Variants in NRDC observed in about 807,000 individuals in gnomAD.
NRDC encodes nardilysin.
In NRDC, 54 loss-of-function variants were observed where a neutral mutation model predicts 147.1. The observed-to-expected ratio is 0.37, with a 90% CI of 0.29 to 0.46. The LOEUF (loss-of-function observed/expected upper bound fraction) is 0.46, where lower values mean the gene tolerates loss of function less well. NRDC is among the 20% of genes least tolerant of loss of function. The probability of loss-of-function intolerance (pLI) is 1.00; values close to 1 mark genes in which losing one functional copy is unlikely to be tolerated. For missense variants in NRDC, 1,082 were observed against 1,370.6 expected (o/e 0.79, Z 3.33); for synonymous variants, 440 against 482.1 (o/e 0.91, Z 1.14).
intron 1 of NRDC, among the ~76,000 whole-genome samples, chr1:51,870,266 A>G (rs747796721): frequency 1.3e-5 from 2 of 152,196 alleles, no homozygotes; most frequent in Non-Finnish European, 2.9e-5. Context: ...GGAAAGCAAA[A>G]AGAAAAGTGA....
At position 51,806,839 on chromosome 1, in the gene NRDC, C is replaced by G; in HGVS notation, c.2065G>C (p.Gly689Arg). 1.2e-6 allele frequency: 2 copies of G among 1,614,080 alleles called. No individual in the cohort carries two copies. Among genetic ancestry groups the G allele is most frequent in the South Asian group, 2.2e-5 (2 of 91,064 alleles). Residue 689 changes from glycine (G) to arginine (R), a missense_variant, in exon 18 of 31, where the codon GGT (glycine) becomes CGT (arginine). Gly to Arg is a moderately radical substitution (Grantham distance 125). This residue lies in a region of NRDC where 635 missense variants were observed against 923.8 expected (regional missense o/e 0.69). Coordinates refer to ENST00000352171, the MANE Select transcript of NRDC (RefSeq NM_001101662.2). ...YPVKIVNTPQ[G>R]CLWYKKDNKF... Reference sequence around the variant, plus strand: ...TTGTCTTTCTTATACCACAGGCAACCTTGTGGAGTATTCACAATTTTAACT... The same window carrying G: ...TTGTCTTTCTTATACCACAGGCAACGTTGTGGAGTATTCACAATTTTAACT...
chr1:51,791,790 C>A, intron 26 of NRDC, 129 bp from the exon 27 acceptor site: 2 of 781,126 alleles, frequency 2.6e-6, no homozygotes, highest in Non-Finnish European at 2.1e-6. Flanking sequence ...AAACAGGACC[C>A]AAAAATGTTA....
chr1:51,871,939 T>C (rs569485530), intron 1 of NRDC, among the ~76,000 whole-genome samples: 66 of 152,302 alleles, frequency 4.3e-4, no homozygotes, highest in Middle Eastern at 3.4e-3. Context: ...GGGCGCGATC[T>C]TGACTCACTG....
chr1:51,864,999 A>T (rs1682735148), intron 1 of NRDC, among the ~76,000 whole-genome samples: 1 of 151,838 alleles, frequency 6.6e-6, no homozygotes, highest in Non-Finnish European at 1.5e-5. Context: ...CTATAATAAA[A>T]TTTTTAGAAT....
intron 1 of NRDC, among the ~76,000 whole-genome samples, chr1:51,855,487 T>C (rs1459193578): frequency 6.7e-5 from 10 of 149,620 alleles, no homozygotes; most frequent in Admixed American, 5.3e-4. Context: ...CAAGCCCTTA[T>C]AAAGAAAAAA....
Position 51,833,053 on chromosome 1 carries a change from A to T in NRDC, c.866+964T>A, listed in dbSNP as rs1315212997. 2.0e-5 allele frequency among the ~76,000 whole-genome samples: 3 copies of T among 152,272 alleles called. No individual in the cohort carries two copies. In the East Asian group the frequency reaches 5.8e-4, roughly 29 times the overall value. On this transcript the variant is annotated intron_variant, in intron 4 of 30. Transcript: ENST00000352171. ...ACAATATGATCGGTATACTTTAAAA[A>T]ATATAGATGGGTCTATACCAAAACA...
In NRDC at chr1:51,840,299, A is replaced by G; in HGVS notation, c.557T>C (p.Leu186Pro). The G allele has an allele frequency of 6.3e-7, 1 of 1,589,996 alleles. No homozygotes were observed. Among genetic ancestry groups the G allele is most frequent in the East Asian group, 2.2e-5 (1 of 44,700 alleles). ...DEFDDEHDDD[L>P]DTEDNELEEL... ...TTCCAATTCATTATCCTCAGTATCA[A>G]GATCATCATCATGTTCATCATCAAA... is the stretch of plus-strand genomic sequence containing the variant. The change falls in exon 2 of 31, where the codon CTT becomes CCT. Residue 186 changes from leucine (L) to proline (P), a missense_variant. By Grantham distance (98) the Leu-to-Pro change is moderately conservative. Transcript: ENST00000352171.
At chr1:51,865,136 T>C (rs1041690644) in intron 1 of NRDC, among the ~76,000 whole-genome samples, 2 of 151,742 alleles carry the variant, frequency 1.3e-5, no homozygotes, top group African/African-American at 4.8e-5. Flanking sequence ...GACAAAAAAT[T>C]AGCATTCAAA....
chr1:51,813,800 C>T (rs1313363376), intron 14 of NRDC, among the ~76,000 whole-genome samples: 1 of 152,010 alleles, frequency 6.6e-6, no homozygotes, highest in Non-Finnish European at 1.5e-5. Context: ...AAATGATTAC[C>T]ACACAACATC....
intron 1 of NRDC, among the ~76,000 whole-genome samples, chr1:51,845,318 C>T (rs919556889): frequency 1.3e-5 from 2 of 152,150 alleles, no homozygotes; most frequent in Admixed American, 6.5e-5. Flanking sequence ...TTGGCCCGGC[C>T]GCAGTGGCTC....
Position 51,792,152 on chromosome 1 carries a change from C to A in NRDC, c.2824-54G>T, listed in dbSNP as rs4926899. 2.2e-4 allele frequency: 350 copies of A among 1,592,746 alleles called. 6 individuals carry two copies. Among genetic ancestry groups the A allele is most frequent in the Admixed American group, 2.0e-3 (120 of 59,922 alleles). On this transcript the variant is annotated intron_variant, in intron 25 of 30. Coordinates refer to ENST00000352171, the MANE Select transcript of NRDC (RefSeq NM_001101662.2). ...CAACTCCTCCCAGCAGAGAAACCTC[C>A]ATTTCTCTCCCCAGAGTGTTTCACA...
At chr1:51,814,901 A>G in intron 11 of NRDC, 88 bp from the exon 12 acceptor site, 1 of 1,333,776 alleles carries the variant, frequency 7.5e-7, no homozygotes, top group Non-Finnish European at 1.0e-6. Context: ...GAGGCTTTCT[A>G]TGTAAAATGT....
intron 27 of NRDC, 119 bp from the exon 28 acceptor site, chr1:51,791,109 A>G (rs900471743): frequency 2.3e-5 from 16 of 704,170 alleles, no homozygotes; most frequent in Non-Finnish European, 3.8e-5. Flanking sequence ...TATCCAGGAA[A>G]AAAAGCTAAA....
intron 1 of NRDC, among the ~76,000 whole-genome samples, chr1:51,868,652 T>C (rs546729375): frequency 3.7e-4 from 57 of 152,190 alleles, no homozygotes; most frequent in Non-Finnish European, 6.5e-4. Context: ...GGCAGGAGGA[T>C]CACTTGACTC....
At chr1:51,844,270 C>T (rs1571894142) in intron 1 of NRDC, among the ~76,000 whole-genome samples, 1 of 152,220 alleles carries the variant, frequency 6.6e-6, no homozygotes, top group South Asian at 2.1e-4. Flanking sequence ...TTAAACCCTA[C>T]TACCTCAGGA....
intron 1 of NRDC, among the ~76,000 whole-genome samples, chr1:51,873,791 G>A (rs1489619721): frequency 3.3e-5 from 5 of 151,784 alleles, no homozygotes; most frequent in African/African-American, 1.2e-4. Flanking sequence ...GATTACAGGC[G>A]TGAGCCCCCA....
At chr1:51,840,653 A>G (rs1167851733) in intron 1 of NRDC, 139 bp from the exon 2 acceptor site, 2 of 635,156 alleles carry the variant, frequency 3.1e-6, no homozygotes, top group Non-Finnish European at 5.2e-6. Context: ...TTGTAAACTA[A>G]TAAAATTGGT....
At chr1:51,855,981 TAATGA>T (rs761715030) in intron 1 of NRDC, among the ~76,000 whole-genome samples, 19 of 152,286 alleles carry the variant, frequency 1.2e-4, no homozygotes, top group Non-Finnish European at 2.6e-4. Flanking sequence ...ACAATCAACT[TAATGA>T]AATATTTTTC....
At chr1:51,876,730 T>C (rs72901969) in intron 1 of NRDC, among the ~76,000 whole-genome samples, 5,081 of 152,234 alleles carry the variant, frequency 0.033, 203 homozygotes, top group South Asian at 0.095. Flanking sequence ...AGAAATTAGG[T>C]TGGTCCTGAA....
Sources: gnomAD v4.1 joint callset for allele counts (sites outside exome capture counted in the v4.1 genomes callset) on GRCh38, gnomAD v4.1.1 for gene constraint, gnomAD v4.1.1 regional missense constraint, MANE v1.5 for transcripts, NCBI Gene and HGNC (gene_info 2026-07-23, HGNC 2026-07-21) for gene names.